Variants in RPH3A observed in about 807,000 individuals in gnomAD.
RPH3A encodes the protein rabphilin 3A, also known as rabphilin-3A.
In RPH3A, 48 loss-of-function variants were observed where a neutral mutation model predicts 102.2. The ratio of observed to expected loss-of-function variants is 0.47; its 90% CI spans 0.37 to 0.60. RPH3A has a LOEUF of 0.60. RPH3A is among the 20% of genes least tolerant of loss of function. RPH3A has a pLI of 0.00. For synonymous variants in RPH3A, 310 were observed against 324.3 expected, an observed-to-expected ratio of 0.96 and a Z score of 0.47; for missense variants, 781 against 910.1, an observed-to-expected ratio of 0.86 and a Z score of 1.83.
intron 3 of RPH3A, among the ~76,000 whole-genome samples, chr12:112,836,155 A>G (rs2042047017): frequency 6.6e-6 from 1 of 152,202 alleles, no homozygotes; most frequent in Admixed American, 6.5e-5. Flanking sequence ...GTTTGAAATA[A>G]CAGAAAGCAA....
intron 4 of RPH3A, 73 bp from the exon 5 acceptor site, chr12:112,847,623 C>G: frequency 6.6e-7 from 1 of 1,513,128 alleles, no homozygotes; most frequent in Non-Finnish European, 9.0e-7. Flanking sequence ...GTTTCCCAGA[C>G]AGTGAGTTTC....
rs118116439 is a variant in RPH3A, at chr12:112,615,576, G to A, written c.-140+40257G>A. Among the ~76,000 whole-genome samples, 238 of 152,272 alleles carry A rather than the reference G, an allele frequency of 1.6e-3. No individual in the cohort carries two copies. The East Asian group carries it at 0.019, about 12-fold the overall frequency. ...TTCCTGTACCTCCGCTAGAGATCTC[G>A]GCTGCAGAAAGGCAGGTCCAGGAGC... On this transcript the variant is annotated intron_variant, in intron 1 of 21. Transcript: ENST00000543106.
intron 1 of RPH3A, among the ~76,000 whole-genome samples, chr12:112,781,101 A>G (rs1373225913): frequency 6.6e-6 from 1 of 152,182 alleles, no homozygotes; most frequent in Non-Finnish European, 1.5e-5. Flanking sequence ...AGGAGGTTGT[A>G]GTGAGCCCAG....
intron 1 of RPH3A, among the ~76,000 whole-genome samples, chr12:112,677,493 C>T (rs151162036): frequency 0.018 from 2,595 of 141,886 alleles, 39 homozygotes; most frequent in Non-Finnish European, 0.024. Flanking sequence ...TTCCCTCTTT[C>T]TCTTTTTTAG....
chr12:112,634,753 A>G lies in RPH3A; in HGVS notation c.-140+59434A>G, dbSNP rs1300177129. On this transcript the variant is annotated intron_variant, in intron 1 of 21. Coordinates refer to the RPH3A transcript ENST00000543106. ...TCATGAGTCACATAGAGAAATGTGG[A>G]TCCTCTTTTCCATCTTTTTCAATCC... Among the ~76,000 whole-genome samples, 5 of 152,128 alleles carry G rather than the reference A, an allele frequency of 3.3e-5. No homozygotes were observed. In the South Asian group the frequency reaches 1.0e-3, roughly 32 times the overall value.
At chr12:112,790,628 T>C (rs917005212), upstream of RPH3A, among the ~76,000 whole-genome samples, 6 of 152,250 alleles carry the variant, frequency 3.9e-5, no homozygotes, top group Admixed American at 6.5e-5. Context: ...TCTTGAGATA[T>C]GGAGCACTGG....
intron 1 of RPH3A, among the ~76,000 whole-genome samples, chr12:112,706,956 C>T (rs1012696779): frequency 2.0e-5 from 3 of 152,048 alleles, no homozygotes; most frequent in South Asian, 2.1e-4. Flanking sequence ...CTGGTTTCTC[C>T]GGGGAAGCCA....
chr12:112,579,342 A>G (rs1011888002), intron 1 of RPH3A, among the ~76,000 whole-genome samples: 2 of 152,214 alleles, frequency 1.3e-5, no homozygotes, highest in African/African-American at 4.8e-5. Context: ...AGCACGGCTC[A>G]AACAGACCTT....
chr12:112,592,272 A>C (rs1409139431), intron 1 of RPH3A, among the ~76,000 whole-genome samples: 1 of 152,154 alleles, frequency 6.6e-6, no homozygotes, highest in Non-Finnish European at 1.5e-5. Context: ...AAACAAATAG[A>C]TTAAAATTAA....
chr12:112,798,155 T>C (rs549035821), intron 2 of RPH3A, among the ~76,000 whole-genome samples: 3 of 152,348 alleles, frequency 2.0e-5, no homozygotes, highest in South Asian at 4.1e-4. Context: ...CTTAAATCTC[T>C]TTGTAATGGA....
At position 112,677,598 on chromosome 12, in the gene RPH3A, C is replaced by G. The variant is rs143758008; in HGVS notation, c.-140+102279C>G. 8.4e-3 allele frequency among the ~76,000 whole-genome samples: 1,270 copies of G among 151,564 alleles called. 8 individuals are homozygous for G. Among genetic ancestry groups the G allele is most frequent in the Non-Finnish European group, 0.011 (765 of 67,906 alleles). Reference sequence around the variant, plus strand: ...TACAGTTGTGAGCCACCCCACCCTGCGAGCCTGTAATGTTCTACCTGGATG... The same window carrying G: ...TACAGTTGTGAGCCACCCCACCCTGGGAGCCTGTAATGTTCTACCTGGATG... On this transcript the variant is annotated intron_variant, in intron 1 of 21. Coordinates refer to the RPH3A transcript ENST00000543106.
intron 1 of RPH3A, among the ~76,000 whole-genome samples, chr12:112,701,850 T>C (rs890261816): frequency 6.6e-6 from 1 of 152,338 alleles, no homozygotes. Flanking sequence ...ACCAGAAACT[T>C]ACAGCAGGGC....
At chr12:112,589,129 A>T (rs1175910350) in intron 1 of RPH3A, among the ~76,000 whole-genome samples, 2 of 151,660 alleles carry the variant, frequency 1.3e-5, no homozygotes, top group Non-Finnish European at 2.9e-5. Context: ...AGAGGGGGCG[A>T]TTAGTAGAAT....
chr12:112,880,639 C>T (rs750272658), intron 14 of RPH3A, among the ~76,000 whole-genome samples: 1 of 152,054 alleles, frequency 6.6e-6, no homozygotes, highest in Non-Finnish European at 1.5e-5. Context: ...TACACTTGAC[C>T]CTTGAACAAT....
At chr12:112,652,425 G>C (rs545337195) in intron 1 of RPH3A, among the ~76,000 whole-genome samples, 1 of 152,088 alleles carries the variant, frequency 6.6e-6, no homozygotes, top group Admixed American at 6.6e-5. Flanking sequence ...TGTCATGATC[G>C]TGCCACTATA....
intron 1 of RPH3A, among the ~76,000 whole-genome samples, chr12:112,701,301 T>C (rs546740680): frequency 6.6e-6 from 1 of 151,896 alleles, no homozygotes; most frequent in Non-Finnish European, 1.5e-5. Context: ...TAGATGGGGG[T>C]GTGAATCTGG....
intron 4 of RPH3A, among the ~76,000 whole-genome samples, chr12:112,838,908 G>A (rs989799327): frequency 1.3e-5 from 2 of 152,162 alleles, no homozygotes; most frequent in Admixed American, 6.5e-5. Flanking sequence ...TGGCCTTGGT[G>A]GGTGGCTTCA....
intron 1 of RPH3A, chr12:112,617,612 G>T (rs935236476): frequency 1.3e-5 from 2 of 152,214 alleles, no homozygotes; most frequent in African/African-American, 4.8e-5. Context: ...CTGAAATAAC[G>T]GAAGGAACAA....
chr12:112,843,318 A>C (rs1301929026), intron 4 of RPH3A, among the ~76,000 whole-genome samples: 1 of 152,186 alleles, frequency 6.6e-6, no homozygotes, highest in Admixed American at 6.5e-5. Flanking sequence ...AATCCACAGG[A>C]GGCTTGCAGG....
Sources: gnomAD v4.1 joint callset for allele counts (sites outside exome capture counted in the v4.1 genomes callset) on GRCh38, gnomAD v4.1.1 for gene constraint, MANE v1.5 for transcripts, NCBI Gene and HGNC (gene_info 2026-07-23, HGNC 2026-07-21) for gene names.